The following NOP58 variants were observed in gnomAD, a reference collection of about 807,000 sequenced individuals.
NOP58 encodes the protein nucleolar protein 58.
Under a neutral mutation model 71.2 loss-of-function variants are expected in NOP58, and 44 were observed. That is an observed-to-expected ratio of 0.62 (90% CI 0.49 to 0.79). NOP58 has a LOEUF of 0.79. Among genes scored for constraint, NOP58 ranks in the 30% least tolerant of loss-of-function variants. The pLI, the probability that NOP58 is intolerant of heterozygous loss-of-function variation, is 0.00. For missense variants in NOP58, 538 were observed against 620.2 expected (o/e 0.87, Z 1.41); for synonymous variants, 228 against 200.3 (o/e 1.14, Z -1.17).
chr2:202,283,379 G>A (rs191547673), intron 4 of NOP58, among the ~76,000 whole-genome samples: 76 of 151,338 alleles, frequency 5.0e-4, no homozygotes, highest in African/African-American at 1.7e-3. Context: ...ACAGACGCCC[G>A]CCAACACGCC....
At chr2:202,268,463 A>G (rs1312368130) in intron 1 of NOP58, among the ~76,000 whole-genome samples, 1 of 151,072 alleles carries the variant, frequency 6.6e-6, no homozygotes, top group Non-Finnish European at 1.5e-5. Flanking sequence ...TGAACCCGGG[A>G]GGCGGAGGTT....
Position 202,277,988 on chromosome 2 carries a change from C to T in NOP58, c.161C>T (p.Ala54Val). 1 of 1,551,186 alleles carries T rather than the reference C, an allele frequency of 6.4e-7. No individual in the cohort carries two copies. The highest frequency in any genetic ancestry group is 1.2e-5 in the South Asian group (1 of 86,264). ...CATTTTGAGAAATTTCAGGATACAG[C>T]AGAAGCATTAGCAGGTAAAGTAAAA... The part of the protein sequence containing the change: ...LKHFEKFQDT[A>V]EALAAFTALM... The change falls in exon 3 of 15, where the codon GCA becomes GTA. Residue 54 changes from alanine (A) to valine (V), a missense_variant. Physicochemically the swap from Ala to Val is moderately conservative, Grantham distance 64. Transcript: ENST00000264279.
chr2:202,292,698 G>A (rs1015898969), intron 8 of NOP58, 79 bp from the exon 9 acceptor site: 1 of 1,114,478 alleles, frequency 9.0e-7, no homozygotes. Flanking sequence ...CATAATTGAG[G>A]GCTCCAGTGT....
In NOP58 at chr2:202,284,375, C is replaced by A. The variant is rs1241227726; in HGVS notation, c.328C>A (p.Pro110Thr). 6.2e-7 allele frequency: 1 copy of A among 1,612,662 alleles called. No individual in the cohort carries two copies. Reference protein sequence around the residue: ...EKLNLSCIHSPVVNELMRGIR... With the variant: ...EKLNLSCIHSTVVNELMRGIR... ...GCTGAATCTCAGTTGTATCCATAGT[C>A]CTGTTGTTAATGAACTTATGAGAGG... is the stretch of plus-strand genomic sequence containing the variant. Residue 110 changes from proline to threonine, a missense_variant, in exon 5 of 15, where the codon CCT becomes ACT. Transcript: ENST00000264279.
rs373019453 is a variant in NOP58 at position 202,282,352 on chromosome 2, A to G, written c.177A>G (p.Ala59=). ...KFQDTAEALA[A]FTALMEGKIN... is the part of the protein sequence containing the mutation. ...TTTGTTTTTCTTTTTCTTGAAAAGC[A>G]TTCACAGCTCTGATGGAGGGCAAAA... Residue 59 remains alanine, a splice_region_variant and synonymous_variant, in exon 4 of 15, where the codon GCA becomes GCG. Transcript: ENST00000264279. 4 of 1,601,642 alleles carry G rather than the reference A, an allele frequency of 2.5e-6. No homozygotes were observed. The highest frequency in any genetic ancestry group is 3.4e-6 in the Non-Finnish European group (4 of 1,177,322).
At chr2:202,291,428 G>A (rs1041418999) in intron 8 of NOP58, 158 bp downstream of exon 8, 5 of 488,882 alleles carry the variant, frequency 1.0e-5, no homozygotes, top group African/African-American at 9.9e-5. Flanking sequence ...ATCATGATTT[G>A]TATACTTAAA....
intron 7 of NOP58, 51 bp downstream of exon 7, chr2:202,290,508 G>A (rs1338738874): frequency 6.6e-7 from 1 of 1,504,776 alleles, no homozygotes; most frequent in Non-Finnish European, 9.0e-7. Flanking sequence ...GAATTTGATT[G>A]CATCCTAAAA....
chr2:202,295,730 GA>G lies in NOP58; in HGVS notation c.968del (p.Lys323ArgfsTer69), dbSNP rs763547506. The G allele has an allele frequency of 6.2e-7, 1 of 1,611,304 alleles. No homozygotes were observed. Among genetic ancestry groups the G allele is most frequent in the Non-Finnish European group, 8.5e-7 (1 of 1,178,980 alleles). On this transcript the variant is annotated frameshift_variant, in exon 10 of 15. Coordinates refer to ENST00000264279, the MANE Select transcript of NOP58 (RefSeq NM_015934.5). LOFTEE classifies it high-confidence loss of function. The part of the protein sequence containing the change: ...AASTVQILGA[E>X]KALFRALKSR... ...TTCTACCGTTCAGATTCTTGGAGCT[GA>G]AAAGGCACTTTTCAGAGCCCTCAAA...
chr2:202,284,486 G>A lies in NOP58; in HGVS notation c.434+5G>A, dbSNP rs567458998. 13 of 1,609,470 alleles carry A rather than the reference G, an allele frequency of 8.1e-6. No individual in the cohort carries two copies. The East Asian group carries it at 2.7e-4, about 33-fold the overall frequency. ...GTGTCTTGGATTGGCTCACAGGTGA[G>A]AATTACTGGAAAATAAAGTCAACTT... On this transcript the variant is annotated splice_donor_5th_base_variant and intron_variant, in intron 5 of 14. Coordinates refer to ENST00000264279, the MANE Select transcript of NOP58 (RefSeq NM_015934.5).
Position 202,265,876 on chromosome 2 carries a change from G to A in NOP58, c.-66G>A. On this transcript the variant is annotated 5_prime_UTR_variant, in exon 1 of 15. Coordinates refer to ENST00000264279, the MANE Select transcript of NOP58 (RefSeq NM_015934.5). ...CTAGGAGGCCTTTTGAGGCCGCGTA[G>A]TCGGTGTTTTTGAACTGACTCTACA... 1.2e-6 allele frequency: 2 copies of A among 1,600,830 alleles called. No homozygotes were observed. Among genetic ancestry groups the A allele is most frequent in the Non-Finnish European group, 1.7e-6 (2 of 1,169,198 alleles).
intron 1 of NOP58, among the ~76,000 whole-genome samples, chr2:202,268,756 C>T (rs946349625): frequency 6.6e-6 from 1 of 151,396 alleles, no homozygotes; most frequent in Non-Finnish European, 1.5e-5. Flanking sequence ...GGATTACCAG[C>T]ATGCACCACC....
intron 5 of NOP58, among the ~76,000 whole-genome samples, chr2:202,284,920 G>C (rs575203772): frequency 6.6e-6 from 1 of 152,282 alleles, no homozygotes; most frequent in East Asian, 1.9e-4. Flanking sequence ...ATAAGGCAAA[G>C]AGGACTAGGT....
chr2:202,280,372 G>A (rs1446401485), intron 3 of NOP58, among the ~76,000 whole-genome samples: 1 of 151,898 alleles, frequency 6.6e-6, no homozygotes, highest in African/African-American at 2.4e-5. Flanking sequence ...CACCCAGGCT[G>A]GAGTGCAGTG....
At chr2:202,284,317 T>A in intron 4 of NOP58, 28 bp from the exon 5 acceptor site, 1 of 1,515,584 alleles carries the variant, frequency 6.6e-7, no homozygotes, top group Non-Finnish European at 8.9e-7. Context: ...TTTTTTTTAA[T>A]TTAATATAGA....
At chr2:202,292,935 G>A in intron 9 of NOP58, 32 bp downstream of exon 9, 1 of 1,611,052 alleles carries the variant, frequency 6.2e-7, no homozygotes, top group Non-Finnish European at 8.5e-7. Context: ...GTAAATATGA[G>A]TGTTTGAAGT....
intron 11 of NOP58, 117 bp from the exon 12 acceptor site, chr2:202,297,723 TAACAA>T (rs1320748003): frequency 4.9e-6 from 4 of 817,288 alleles, no homozygotes; most frequent in Non-Finnish European, 7.6e-6. Context: ...CTATTCAAAA[TAACAA>T]AACAAAAAAT....
intron 1 of NOP58, among the ~76,000 whole-genome samples, chr2:202,270,412 A>G (rs1394736052): frequency 2.6e-5 from 4 of 152,244 alleles, no homozygotes; most frequent in Non-Finnish European, 5.9e-5. Context: ...TCCTGTATTT[A>G]AACAAGTTTC....
intron 1 of NOP58, among the ~76,000 whole-genome samples, chr2:202,266,334 T>C (rs1688415925): frequency 1.3e-5 from 2 of 152,002 alleles, no homozygotes; most frequent in Non-Finnish European, 2.9e-5. Flanking sequence ...GTTTCGCTCT[T>C]GTTGCCCATG....
intron 13 of NOP58, among the ~76,000 whole-genome samples, chr2:202,301,738 G>A (rs1399602751): frequency 1.3e-5 from 2 of 151,996 alleles, no homozygotes; most frequent in African/African-American, 4.8e-5. Flanking sequence ...TTAAGCATCT[G>A]CTCTACTCTA....
Sources: gnomAD v4.1 joint callset for allele counts (sites outside exome capture counted in the v4.1 genomes callset) on GRCh38, gnomAD v4.1.1 for gene constraint, MANE v1.5 for transcripts, NCBI Gene and HGNC (gene_info 2026-07-23, HGNC 2026-07-21) for gene names.